The following HTT variants were observed in gnomAD, a reference collection of about 807,000 sequenced individuals.
HTT encodes the protein huntington disease protein.
HTT carries 104 observed loss-of-function variants against 362.3 expected under a neutral mutation model. The observed-to-expected ratio is 0.29, with a 90% CI of 0.24 to 0.34. The LOEUF (loss-of-function observed/expected upper bound fraction) is 0.34, where lower values mean the gene tolerates loss of function less well. Ranked by LOEUF, HTT falls within the 10% of genes least tolerant of loss-of-function variation. HTT has a pLI of 1.00. For synonymous variants in HTT, 1,577 were observed against 1,548.7 expected (o/e 1.02, Z -0.43); for missense variants, 3,301 against 3,928.6 (o/e 0.84, Z 4.27).
chr4:3,108,124 T>C (rs1057126959), intron 6 of HTT, among the ~76,000 whole-genome samples: 2 of 152,172 alleles, frequency 1.3e-5, no homozygotes, highest in African/African-American at 4.8e-5. Context: ...TAAGCCTTAA[T>C]GGGACCCATA....
intron 16 of HTT, 135 bp from the exon 17 acceptor site, chr4:3,132,427 T>G (rs1715864748): frequency 2.9e-6 from 2 of 690,754 alleles, no homozygotes; most frequent in African/African-American, 1.8e-5. Flanking sequence ...TTAGGGTTAT[T>G]ATAGTGAAGT....
chr4:3,204,155 T>C lies in HTT; in HGVS notation c.5718+7T>C. On this transcript the variant is annotated splice_region_variant and intron_variant, in intron 42 of 66. Coordinates refer to ENST00000355072, the MANE Select transcript of HTT (RefSeq NM_001388492.1). ...TCTCTTCTGTGATTATGTCGTAAGTTTGAAATGCCTGTAAACGGGGTTGAG... is the reference window on the plus strand; with the variant it reads ...TCTCTTCTGTGATTATGTCGTAAGTCTGAAATGCCTGTAAACGGGGTTGAG... The C allele has an allele frequency of 1.2e-6, 2 of 1,614,106 alleles. No individual in the cohort carries two copies. Among genetic ancestry groups the C allele is most frequent in the Admixed American group, 1.7e-5 (1 of 60,018 alleles).
At chr4:3,110,780 G>A (rs989201728) in intron 6 of HTT, among the ~76,000 whole-genome samples, 1 of 152,140 alleles carries the variant, frequency 6.6e-6, no homozygotes, top group African/African-American at 2.4e-5. Flanking sequence ...GAGGTGAAGT[G>A]CTAGGTACTT....
chr4:3,169,027 T>C (rs1212921996), intron 29 of HTT, among the ~76,000 whole-genome samples: 2 of 151,524 alleles, frequency 1.3e-5, no homozygotes, highest in African/African-American at 4.9e-5. Context: ...TCTTTCTTTT[T>C]TTTTTTTTTG....
At position 3,218,053 on chromosome 4, in the gene HTT, C is replaced by CTCTGGG; in HGVS notation, c.7242+101_7242+102insTCTGGG. On this transcript the variant is annotated intron_variant, in intron 52 of 66. Coordinates refer to ENST00000355072, the MANE Select transcript of HTT (RefSeq NM_001388492.1). This position sits in a 1 kb window ranked among gnomAD's most constrained non-coding sequence, Gnocchi z 4.4. ...GAGGGCGGGACAGAATCCCCGCAGC[C>CTCTGGG]CAGAGGCTGCCTGCTGTGGTTCTGG... 4 of 1,003,806 alleles carry CTCTGGG rather than the reference C, an allele frequency of 4.0e-6. No homozygotes were observed. The highest frequency in any genetic ancestry group is 1.6e-5 in the African/African-American group (1 of 62,026). The allele number at this position is 1,003,806 out of a possible 1,614,324, so 62.2% of individuals were successfully genotyped here. A position where few individuals can be genotyped will look rare whatever the true frequency, so the allele number is the denominator to read the frequency against.
intron 53 of HTT, 39 bp from the exon 54 acceptor site, chr4:3,222,347 GA>G: frequency 6.4e-7 from 1 of 1,560,630 alleles, no homozygotes; most frequent in Non-Finnish European, 8.8e-7. Flanking sequence ...ACAGGCTTGA[GA>G]AGGGTTGACA....
intron 53 of HTT, among the ~76,000 whole-genome samples, chr4:3,220,806 A>G (rs1029016323): frequency 6.6e-6 from 1 of 152,168 alleles, no homozygotes; most frequent in Admixed American, 6.5e-5. Context: ...GGGCTCAGAC[A>G]GTCCTGGTCT....
intron 26 of HTT, among the ~76,000 whole-genome samples, chr4:3,150,127 G>T (rs562930330): frequency 3.3e-5 from 5 of 152,248 alleles, no homozygotes; most frequent in East Asian, 1.9e-4. Flanking sequence ...GTCCTAGGCC[G>T]TCTTCTCTCT....
At position 3,206,832 on chromosome 4, in the gene HTT, A is replaced by G. The variant is rs1560593265; in HGVS notation, c.5924A>G (p.Gln1975Arg). 6.2e-7 allele frequency: 1 copy of G among 1,605,212 alleles called. No individual in the cohort carries two copies. Among genetic ancestry groups the G allele is most frequent in the Non-Finnish European group, 8.5e-7 (1 of 1,174,476 alleles). Residue 1975 changes from glutamine to arginine, a missense_variant, in exon 44 of 67, where the codon CAG becomes CGG. Physicochemically the swap from Gln to Arg is conservative, Grantham distance 43 (BLOSUM62 1). Around this residue, in one of 4 missense-constraint regions of HTT, gnomAD observed 2,316 missense variants for 2,658.5 expected, o/e 0.87. Coordinates refer to ENST00000355072, the MANE Select transcript of HTT (RefSeq NM_001388492.1). The surrounding 1 kb of genome is among the most constrained non-coding windows in gnomAD (Gnocchi z 4.6). ...STPTMLKKTL[Q>R]CLEGIHLSQS... The stretch of plus-strand genomic sequence containing the variant: ...CCAACCATGCTGAAGAAAACTCTTC[A>G]GTGCTTGGAGGGGATCCATCTCAGC...
chr4:3,149,243 A>G, intron 26 of HTT, among the ~76,000 whole-genome samples: 1 of 152,098 alleles, frequency 6.6e-6, no homozygotes, highest in Non-Finnish European at 1.5e-5. Flanking sequence ...TCAACTTCAA[A>G]ACAAATGTTA....
intron 39 of HTT, 34 bp from the exon 40 acceptor site, chr4:3,188,917 C>G: frequency 6.2e-7 from 1 of 1,606,818 alleles, no homozygotes; most frequent in Non-Finnish European, 8.5e-7. Flanking sequence ...TAGTAGTCAC[C>G]TAATTCACTG....
chr4:3,096,325 A>G (rs1713854474), intron 2 of HTT, among the ~76,000 whole-genome samples: 2 of 152,228 alleles, frequency 1.3e-5, no homozygotes, highest in South Asian at 2.1e-4. Context: ...ACGTAGCCAT[A>G]ATATCTGGAT....
chr4:3,095,888 CCTAA>C (rs755663578), intron 2 of HTT, among the ~76,000 whole-genome samples: 2 of 152,194 alleles, frequency 1.3e-5, no homozygotes, highest in African/African-American at 4.8e-5. Context: ...TAGATTTCAA[CCTAA>C]CTATGTCAAA....
At chr4:3,238,758 G>A (rs1259860627) in intron 65 of HTT, 60 bp from the exon 66 acceptor site, 18 of 924,094 alleles carry the variant, frequency 1.9e-5, no homozygotes, top group African/African-American at 8.8e-5. Flanking sequence ...CCACCCAGGC[G>A]CAGCAGGTGC....
chr4:3,146,155 A>G (rs775359926), intron 24 of HTT, among the ~76,000 whole-genome samples: 1 of 152,162 alleles, frequency 6.6e-6, no homozygotes, highest in African/African-American at 2.4e-5. Context: ...CTCCATATCC[A>G]TTCTATGTTC....
intron 8 of HTT, among the ~76,000 whole-genome samples, chr4:3,117,618 C>T (rs1338647483): frequency 6.6e-6 from 1 of 152,096 alleles, no homozygotes; most frequent in Non-Finnish European, 1.5e-5. Flanking sequence ...GGGCGGATCA[C>T]TTGAACCTGG....
At chr4:3,235,858 C>A (rs997098837) in intron 63 of HTT, 80 bp downstream of exon 63, 1 of 1,079,250 alleles carries the variant, frequency 9.3e-7, no homozygotes, top group Non-Finnish European at 1.4e-6. Flanking sequence ...CAAGGGACCT[C>A]GACTAGGTGC....
intron 2 of HTT, among the ~76,000 whole-genome samples, chr4:3,091,572 A>C (rs1297182402): frequency 6.6e-6 from 1 of 152,210 alleles, no homozygotes; most frequent in African/African-American, 2.4e-5. Context: ...TGTAAAGAGC[A>C]GTTATAAATA....
chr4:3,131,223 T>A (rs1715797442), intron 14 of HTT, 63 bp from the exon 15 acceptor site: 2 of 1,202,936 alleles, frequency 1.7e-6, no homozygotes, highest in South Asian at 2.4e-5. Flanking sequence ...ATCTGTTGAA[T>A]GAACTAATGC....
Sources: allele counts gnomAD v4.1 joint callset (sites outside exome capture counted in the v4.1 genomes callset), GRCh38; gene constraint gnomAD v4.1.1; regional missense constraint gnomAD v4.1.1; non-coding constraint Gnocchi (gnomAD v3.1); transcripts MANE v1.5; gene names NCBI Gene and HGNC (gene_info 2026-07-23, HGNC 2026-07-21).